Variants in CNTN5 observed in about 807,000 individuals in gnomAD.
The protein encoded by CNTN5 is contactin-5.
A neutral mutation model predicts 129.1 loss-of-function variants in CNTN5; 77 were observed. That is an observed-to-expected ratio of 0.60 (90% CI 0.50 to 0.72). The LOEUF is 0.72. Among genes scored for constraint, CNTN5 ranks in the 30% least tolerant of loss-of-function variants. The pLI is 0.00. For missense variants in CNTN5, 1,478 were observed against 1,328.8 expected (o/e 1.11, Z -1.75); for synonymous variants, 509 against 465.6 (o/e 1.09, Z -1.20).
intron 3 of CNTN5, among the ~76,000 whole-genome samples, chr11:99,681,891 G>A (rs1429017381): frequency 2.6e-5 from 4 of 151,834 alleles, no homozygotes; most frequent in African/African-American, 4.8e-5. Context: ...GAATCCTCTA[G>A]GAAAAGAGAT....
intron 13 of CNTN5, among the ~76,000 whole-genome samples, chr11:100,138,408 T>A (rs1946593806): frequency 6.6e-6 from 1 of 152,046 alleles, no homozygotes. Flanking sequence ...TTGTATTGTA[T>A]CAGGGAAAGT....
At chr11:99,854,594 A>G (rs984683256) in intron 6 of CNTN5, among the ~76,000 whole-genome samples, 3 of 152,212 alleles carry the variant, frequency 2.0e-5, no homozygotes, top group East Asian at 1.9e-4. Flanking sequence ...GATCAATTCT[A>G]TTGAACAATT....
intron 1 of CNTN5, chr11:99,120,457 T>C (rs1283612601): frequency 6.6e-6 from 1 of 152,202 alleles, no homozygotes; most frequent in East Asian, 1.9e-4. Context: ...GCCATATAAC[T>C]AGACGCTGAG....
At chr11:99,753,014 A>G (rs536288974) in intron 3 of CNTN5, among the ~76,000 whole-genome samples, 1 of 152,248 alleles carries the variant, frequency 6.6e-6, no homozygotes, top group African/African-American at 2.4e-5. Flanking sequence ...CACAAACTAT[A>G]AAAAATAAGT....
chr11:99,829,607 G>A (rs1018720991), intron 4 of CNTN5, among the ~76,000 whole-genome samples: 9 of 152,164 alleles, frequency 5.9e-5, no homozygotes, highest in Non-Finnish European at 8.8e-5. Context: ...TTTTCAACCC[G>A]ATACTGTTAT....
intron 1 of CNTN5, among the ~76,000 whole-genome samples, chr11:99,091,044 A>AAAAAAT: frequency 6.8e-6 from 1 of 147,528 alleles, no homozygotes; most frequent in Non-Finnish European, 1.5e-5. Flanking sequence ...AAAAAAAAAA[A>AAAAAAT]GCCTTATGTC....
intron 2 of CNTN5, among the ~76,000 whole-genome samples, chr11:99,478,978 C>A (rs756488871): frequency 5.3e-5 from 8 of 151,988 alleles, no homozygotes; most frequent in Non-Finnish European, 5.9e-5. Flanking sequence ...TTTCTTTTAG[C>A]CCCTAAACAC....
chr11:100,105,616 G>C (rs1226165757), intron 13 of CNTN5, among the ~76,000 whole-genome samples: 1 of 152,124 alleles, frequency 6.6e-6, no homozygotes, highest in Non-Finnish European at 1.5e-5. Context: ...TTTTCCCACT[G>C]AGTCCCCTGT....
At chr11:99,804,083 C>T (rs995229404) in intron 3 of CNTN5, among the ~76,000 whole-genome samples, 2 of 152,186 alleles carry the variant, frequency 1.3e-5, no homozygotes, top group Admixed American at 1.3e-4. Context: ...TACTCAAGTA[C>T]AAAATGCCCA....
intron 2 of CNTN5, among the ~76,000 whole-genome samples, chr11:99,378,721 T>C (rs1362280667): frequency 1.3e-5 from 2 of 152,030 alleles, no homozygotes; most frequent in South Asian, 2.1e-4. Context: ...TATATGCATA[T>C]GTAGAAAATC....
chr11:99,708,541 C>G (rs1328813531), intron 3 of CNTN5, among the ~76,000 whole-genome samples: 1 of 151,662 alleles, frequency 6.6e-6, no homozygotes, highest in South Asian at 2.1e-4. Context: ...AAGATACTTT[C>G]AAAACTCAAA....
chr11:99,962,015 T>C (rs1950960279), intron 8 of CNTN5, among the ~76,000 whole-genome samples: 1 of 152,198 alleles, frequency 6.6e-6, no homozygotes, highest in Admixed American at 6.5e-5. Flanking sequence ...CACACATATA[T>C]GCAATTCTAA....
intron 9 of CNTN5, among the ~76,000 whole-genome samples, chr11:100,051,763 A>G (rs953417280): frequency 1.3e-5 from 2 of 151,960 alleles, no homozygotes; most frequent in Admixed American, 1.3e-4. Context: ...AAGAGGAAAC[A>G]TCACTACGTC....
At chr11:99,436,104 A>G (rs1448529167) in intron 2 of CNTN5, among the ~76,000 whole-genome samples, 1 of 152,182 alleles carries the variant, frequency 6.6e-6, no homozygotes, top group Non-Finnish European at 1.5e-5. Context: ...AATGTTCTAA[A>G]GGAGTAAAAG....
intron 15 of CNTN5, among the ~76,000 whole-genome samples, chr11:100,201,093 C>CTGTT (rs1229898700): frequency 6.6e-6 from 1 of 151,952 alleles, no homozygotes; most frequent in Non-Finnish European, 1.5e-5. Context: ...GTTGCATTCA[C>CTGTT]TGTTGTTAAC....
At chr11:99,524,865 T>C (rs1947427364) in intron 2 of CNTN5, among the ~76,000 whole-genome samples, 1 of 152,148 alleles carries the variant, frequency 6.6e-6, no homozygotes, top group South Asian at 2.1e-4. Flanking sequence ...ACATACTAAA[T>C]TGTATAAATA....
chr11:100,218,617 T>G (rs1452347619), intron 15 of CNTN5, among the ~76,000 whole-genome samples: 6 of 152,202 alleles, frequency 3.9e-5, no homozygotes, highest in Non-Finnish European at 8.8e-5. Context: ...TCCTGCATTT[T>G]CTTATGCACA....
At chr11:100,058,355 T>G (rs1459537945) in intron 9 of CNTN5, among the ~76,000 whole-genome samples, 1 of 152,080 alleles carries the variant, frequency 6.6e-6, no homozygotes, top group Admixed American at 6.6e-5. Flanking sequence ...ATAGGAATAT[T>G]CTGGCTTGTT....
rs182344400 is a variant in CNTN5, at chr11:100,061,216, G to C, written c.985G>C (p.Val329Leu). The change falls in exon 10 of 25, where the codon GTT becomes CTT. Residue 329 changes from valine to leucine, a missense_variant. Physicochemically the swap from Val to Leu is conservative, Grantham distance 32. Coordinates refer to ENST00000524871, the MANE Select transcript of CNTN5 (RefSeq NM_014361.4). ...KMECFALGNP[V>L]PTITWMKVNG... is the part of the protein sequence containing the mutation. ...TATTTTTGTTCCCTATCGTAGCCCC[G>C]TTCCAACAATCACATGGATGAAGGT... The C allele has an allele frequency of 7.5e-5, 120 of 1,606,594 alleles. No individual in the cohort carries two copies. In the South Asian group the frequency reaches 1.0e-3, roughly 14 times the overall value.
Sources: gnomAD v4.1 joint callset for allele counts (sites outside exome capture counted in the v4.1 genomes callset) on GRCh38, gnomAD v4.1.1 for gene constraint, MANE v1.5 for transcripts, NCBI Gene and HGNC (gene_info 2026-07-23, HGNC 2026-07-21) for gene names.